Variants in PRKCH observed in about 807,000 individuals in gnomAD.
The protein encoded by PRKCH is protein kinase C eta type.
A neutral mutation model predicts 82.5 loss-of-function variants in PRKCH; 28 were observed. The ratio of observed to expected loss-of-function variants is 0.34; its 90% CI spans 0.25 to 0.47. The LOEUF is 0.47. PRKCH is among the 20% of genes least tolerant of loss of function. PRKCH has a pLI of 1.00. For missense variants in PRKCH, 705 were observed against 881.8 expected, an observed-to-expected ratio of 0.80 and a Z score of 2.54; for synonymous variants, 322 against 327.4, an observed-to-expected ratio of 0.98 and a Z score of 0.18.
chr14:61,235,852 G>C (rs2044783165), intron 1 of PRKCH, among the ~76,000 whole-genome samples: 1 of 152,168 alleles, frequency 6.6e-6, no homozygotes, highest in South Asian at 2.1e-4. Flanking sequence ...ACAGAAAAAA[G>C]AAAGTGACAT....
intron 2 of PRKCH, among the ~76,000 whole-genome samples, chr14:61,434,093 A>G (rs1371295991): frequency 6.6e-6 from 1 of 152,238 alleles, no homozygotes; most frequent in Non-Finnish European, 1.5e-5. Flanking sequence ...TTAAAATGTT[A>G]TCAGGAGGAC....
At chr14:61,219,392 C>G (rs557311823) in intron 1 of PRKCH, among the ~76,000 whole-genome samples, 1 of 152,306 alleles carries the variant, frequency 6.6e-6, no homozygotes, top group African/African-American at 2.4e-5. Context: ...TGTGTTACCT[C>G]CTTCCCACGG....
intron 1 of PRKCH, chr14:61,344,534 A>G (rs1380729422): frequency 6.6e-6 from 1 of 152,252 alleles, no homozygotes; most frequent in African/African-American, 2.4e-5. Flanking sequence ...GCCACAAGCA[A>G]GGTAGTGGAG....
At chr14:61,336,634 A>T (rs912848241) in intron 1 of PRKCH, among the ~76,000 whole-genome samples, 24 of 152,220 alleles carry the variant, frequency 1.6e-4, no homozygotes, top group Admixed American at 1.4e-3. Context: ...TTATTGCTGT[A>T]ATTAAGGGAA....
At chr14:61,402,865 ATTTAT>A (rs1347105835) in intron 2 of PRKCH, among the ~76,000 whole-genome samples, 3 of 150,804 alleles carry the variant, frequency 2.0e-5, no homozygotes, top group African/African-American at 7.3e-5. Context: ...TAATTAATTT[ATTTAT>A]TTTATTTTTA....
intron 1 of PRKCH, among the ~76,000 whole-genome samples, chr14:61,368,802 C>A (rs548769303): frequency 6.6e-6 from 1 of 152,138 alleles, no homozygotes; most frequent in East Asian, 1.9e-4. Context: ...AATTTTTGTA[C>A]CCTTTGAAAA....
In PRKCH at chr14:61,409,565, G is replaced by A. The variant is rs527682922; in HGVS notation, c.427+18277G>A. 2.7e-3 allele frequency among the ~76,000 whole-genome samples: 411 copies of A among 151,928 alleles called. 1 individual carries two copies. Among genetic ancestry groups the A allele is most frequent in the Middle Eastern group, 3.4e-3 (1 of 294 alleles). ...AAAAAGAAAAAAAAATCCAGGCATG[G>A]TGGTGTGCACCTGTATTCCCAGTTA... is the stretch of plus-strand genomic sequence containing the variant. On this transcript the variant is annotated intron_variant, in intron 2 of 13. Coordinates refer to ENST00000332981, the MANE Select transcript of PRKCH (RefSeq NM_006255.5).
rs35045657 is a variant in PRKCH, at chr14:61,287,204, T to TAAAAAAAA, written c.-19+99559_-19+99566dup. 2.8e-4 allele frequency among the ~76,000 whole-genome samples: 16 copies of TAAAAAAAA among 57,930 alleles called. No individual in the cohort carries two copies. In the East Asian group the frequency reaches 5.1e-3, roughly 18 times the overall value. The allele number at this position is 57,930 out of a possible 152,430, so 38.0% of individuals were successfully genotyped here. ...TGAGCAACAGTGCAAGACTCCGTCT[T>TAAAAAAAA]AAAAAAAAAAAAAAAAAAAAAAAAA... On this transcript the variant is annotated intron_variant, in intron 1 of 3. Transcript: ENST00000555185.
At chr14:61,488,194 G>A (rs1323458605) in intron 10 of PRKCH, among the ~76,000 whole-genome samples, 1 of 151,920 alleles carries the variant, frequency 6.6e-6, no homozygotes, top group Non-Finnish European at 1.5e-5. Context: ...ATGGTGGCAT[G>A]CACCTGTGGT....
At chr14:61,321,506 C>T (rs937903790), upstream of PRKCH, among the ~76,000 whole-genome samples, 2 of 152,170 alleles carry the variant, frequency 1.3e-5, no homozygotes, top group Non-Finnish European at 2.9e-5. The surrounding 1 kb of genome is among the most constrained non-coding windows in gnomAD (Gnocchi z 4.1). Context: ...ATCCACCCAC[C>T]GCAGGGCCGG....
intron 1 of PRKCH, among the ~76,000 whole-genome samples, chr14:61,239,918 A>G (rs1345127927): frequency 2.0e-5 from 3 of 152,190 alleles, no homozygotes; most frequent in Non-Finnish European, 2.9e-5. Flanking sequence ...CATTTTAGCT[A>G]TTACAGATAG....
intron 9 of PRKCH, among the ~76,000 whole-genome samples, chr14:61,470,176 G>C (rs1008432966): frequency 1.3e-5 from 2 of 151,716 alleles, no homozygotes; most frequent in African/African-American, 2.4e-5. Flanking sequence ...TGAGATTACT[G>C]GGGGGAGGCG....
chr14:61,533,593 CT>C (rs1320926213), intron 12 of PRKCH, among the ~76,000 whole-genome samples: 1 of 152,226 alleles, frequency 6.6e-6, no homozygotes, highest in Non-Finnish European at 1.5e-5. Context: ...GACTAATAGG[CT>C]GTGTGACCTT....
At chr14:61,249,489 G>T in intron 1 of PRKCH, among the ~76,000 whole-genome samples, 1 of 138,794 alleles carries the variant, frequency 7.2e-6, no homozygotes, top group African/African-American at 2.6e-5. Context: ...TCCTTTACAA[G>T]TATGATGTGC....
intron 10 of PRKCH, among the ~76,000 whole-genome samples, chr14:61,522,960 C>A (rs2139995995): frequency 6.6e-6 from 1 of 152,336 alleles, no homozygotes; most frequent in East Asian, 1.9e-4. Context: ...TTTCAAAAGT[C>A]TTTTGCCCAT....
chr14:61,502,873 AG>A (rs1886980907), intron 10 of PRKCH, among the ~76,000 whole-genome samples: 1 of 152,068 alleles, frequency 6.6e-6, no homozygotes, highest in South Asian at 2.1e-4. Context: ...AATGGGGCCG[AG>A]CAGCAGAGGA....
chr14:61,407,007 C>T (rs17098304), intron 2 of PRKCH, among the ~76,000 whole-genome samples: 10,812 of 151,712 alleles, frequency 0.071, 630 homozygotes, highest in East Asian at 0.31. Flanking sequence ...CTTTTTGATC[C>T]GGGGCTGATT....
chr14:61,275,435 C>T (rs572827026), intron 1 of PRKCH, among the ~76,000 whole-genome samples: 44 of 152,286 alleles, frequency 2.9e-4, no homozygotes, highest in African/African-American at 1.0e-3. Flanking sequence ...TTACAGCTTT[C>T]ATCGGTAATG....
chr14:61,416,940 G>A (rs1445940003), intron 2 of PRKCH, among the ~76,000 whole-genome samples: 1 of 152,174 alleles, frequency 6.6e-6, no homozygotes, highest in Non-Finnish European at 1.5e-5. Flanking sequence ...AACTTAAATT[G>A]TGGGGTACTT....
Sources: allele counts gnomAD v4.1 joint callset (sites outside exome capture counted in the v4.1 genomes callset), GRCh38; gene constraint gnomAD v4.1.1; non-coding constraint Gnocchi (gnomAD v3.1); transcripts MANE v1.5; gene names NCBI Gene and HGNC (gene_info 2026-07-23, HGNC 2026-07-21).